Variants in TECTB observed in about 807,000 individuals in gnomAD.
TECTB encodes beta-tectorin.
In TECTB, 45 loss-of-function variants were observed where a neutral mutation model predicts 43.3. That is an observed-to-expected ratio of 1.04 (90% CI 0.82 to 1.33). The LOEUF is 1.33. Ranked by LOEUF, TECTB falls within the 40% of genes most tolerant of loss-of-function variation. TECTB has a pLI of 0.00. For missense variants in TECTB, 399 were observed against 404.7 expected (o/e 0.99, Z 0.12); for synonymous variants, 169 against 156.7 (o/e 1.08, Z -0.59).
rs774092344 is a variant in TECTB at position 112,294,053 on chromosome 10, C to A, written c.663C>A (p.Ile221=). 11 of 1,613,896 alleles carry A rather than the reference C, an allele frequency of 6.8e-6. No homozygotes were observed. The East Asian group carries it at 2.5e-4, about 36-fold the overall frequency. ...DFMYPLQWQL[I]NKGCPTDETV... The stretch of plus-strand genomic sequence containing the variant: ...TGTATCCCTTGCAGTGGCAGCTGAT[C>A]AACAAGGGGTAGGTACACTATCTAG... Residue 221 remains isoleucine, a synonymous_variant, in exon 7 of 11, where the codon ATC becomes ATA. Transcript: ENST00000646139.
chr10:112,283,520 TCAGCG>T, intron 1 of TECTB, 24 bp downstream of exon 1: 1 of 555,236 alleles, frequency 1.8e-6, no homozygotes, highest in Non-Finnish European at 3.2e-6. Context: ...TTTTTGCCTC[TCAGCG>T]CTAACAGGAA....
intron 9 of TECTB, among the ~76,000 whole-genome samples, chr10:112,300,226 G>A (rs201987442): frequency 2.1e-5 from 1 of 47,584 alleles, no homozygotes; most frequent in African/African-American, 7.2e-5. Context: ...CAGACAGAAA[G>A]AAATAAAGAA....
intron 5 of TECTB, among the ~76,000 whole-genome samples, chr10:112,291,862 C>A (rs1054792224): frequency 6.6e-6 from 1 of 152,170 alleles, no homozygotes; most frequent in Non-Finnish European, 1.5e-5. Context: ...ACAGGCTGGG[C>A]GCAGTGGCTC....
intron 10 of TECTB, 65 bp from the exon 11 acceptor site, chr10:112,303,198 T>C: frequency 6.3e-7 from 1 of 1,590,404 alleles, no homozygotes. Flanking sequence ...AACTCTTCTG[T>C]TGAGTTGGCT....
At chr10:112,296,821 C>T (rs563553726) in intron 7 of TECTB, among the ~76,000 whole-genome samples, 20 of 152,176 alleles carry the variant, frequency 1.3e-4, no homozygotes, top group Admixed American at 5.9e-4. Context: ...GTAACTGGAC[C>T]GCTCTCTGGC....
rs372919237 is a variant in TECTB, at chr10:112,286,353, G to C, written c.445G>C (p.Gly149Arg). Residue 149 changes from glycine to arginine, a missense_variant, in exon 5 of 11, where the codon GGC becomes CGC. Coordinates refer to ENST00000646139, the MANE Select transcript of TECTB (RefSeq NM_058222.3). ...ATVHVKNGSM[G>R]TFESQLSLNF... ...TGTTCACGTGAAGAACGGGAGCATG[G>C]GCACATTTGAGAGCCAACTGTCTCT... The C allele has an allele frequency of 2.8e-5, 45 of 1,610,642 alleles. No homozygotes were observed. The highest frequency in any genetic ancestry group is 3.5e-5 in the Non-Finnish European group (41 of 1,177,142).
rs1210550695 is a variant in TECTB, at chr10:112,298,064, C to T, written c.672-5C>T. ...AGTTCACTCTTCTTTCCCCATCTGC[C>T]TCAGCTGCCCCACGGATGAAACCGT... On this transcript the variant is annotated splice_region_variant and splice_polypyrimidine_tract_variant and intron_variant, in intron 7 of 10. Coordinates refer to ENST00000646139, the MANE Select transcript of TECTB (RefSeq NM_058222.3). The T allele has an allele frequency of 4.3e-6, 7 of 1,614,042 alleles. No individual in the cohort carries two copies. In the African/African-American group the frequency reaches 9.3e-5, roughly 22 times the overall value.
rs573988807 is a variant in TECTB, at chr10:112,299,425, C to T, written c.835-67C>T. Reference sequence around the variant, plus strand: ...TTAAAATATCTTTTCTTTCTCTTTTCTCCCCTTTGCTCACGCATCATCCCA... The same window carrying T: ...TTAAAATATCTTTTCTTTCTCTTTTTTCCCCTTTGCTCACGCATCATCCCA... On this transcript the variant is annotated intron_variant, in intron 8 of 10. Coordinates refer to ENST00000646139, the MANE Select transcript of TECTB (RefSeq NM_058222.3). 4 of 1,456,742 alleles carry T rather than the reference C, an allele frequency of 2.7e-6. No individual in the cohort carries two copies. The Admixed American group carries it at 5.3e-5, about 19-fold the overall frequency. The allele number at this position is 1,456,742 out of a possible 1,614,324, so 90.2% of individuals were successfully genotyped here.
intron 7 of TECTB, 33 bp from the exon 8 acceptor site, chr10:112,298,036 G>T: frequency 6.2e-7 from 1 of 1,613,456 alleles, no homozygotes; most frequent in Non-Finnish European, 8.5e-7. Flanking sequence ...TCAAGGAGAT[G>T]ACAGTTCACT....
In TECTB at chr10:112,293,158, A is replaced by T. The variant is rs940111623; in HGVS notation, c.484-580A>T. Among the ~76,000 whole-genome samples, 3 of 152,358 alleles carry T rather than the reference A, an allele frequency of 2.0e-5. No homozygotes were observed. In the South Asian group the frequency reaches 6.2e-4, roughly 32 times the overall value. ...CTCCCCTGCTAGAATATGCCAGATC[A>T]TTGAAGGCAGATATCTTTGCTTTGT... On this transcript the variant is annotated intron_variant, in intron 5 of 10. Transcript: ENST00000646139.
intron 10 of TECTB, 136 bp downstream of exon 10, chr10:112,302,269 G>C: frequency 9.8e-7 from 1 of 1,022,290 alleles, no homozygotes; most frequent in Non-Finnish European, 1.4e-6. Context: ...ACACCTGAGT[G>C]GCGCAGAGGG....
At chr10:112,302,271 C>T (rs745489539) in intron 10 of TECTB, 138 bp downstream of exon 10, 25 of 1,017,102 alleles carry the variant, frequency 2.5e-5, no homozygotes, top group Middle Eastern at 2.2e-4. Flanking sequence ...ACCTGAGTGG[C>T]GCAGAGGGGG....
intron 3 of TECTB, 24 bp downstream of exon 3, chr10:112,284,749 G>T: frequency 1.3e-6 from 2 of 1,491,952 alleles, no homozygotes; most frequent in East Asian, 2.5e-5. Context: ...ACACAGTGCA[G>T]AGTTGTTTAA....
intron 7 of TECTB, among the ~76,000 whole-genome samples, chr10:112,295,576 A>C (rs888597718): frequency 6.6e-6 from 1 of 152,220 alleles, no homozygotes; most frequent in African/African-American, 2.4e-5. Context: ...TCCTGTAGAG[A>C]TGGCAGCTTA....
At chr10:112,300,230 TAAAGAAAGAAAGAAAGAAAGAAAGAAAG>T (rs1554854200) in intron 9 of TECTB, among the ~76,000 whole-genome samples, 2 of 55,022 alleles carry the variant, frequency 3.6e-5, no homozygotes, top group African/African-American at 1.5e-4. Flanking sequence ...CAGAAAGAAA[TAAAGAAAGAAAGAAAGAAAGAAAGAAAG>T]AAAGAAAGAA....
chr10:112,284,043 C>G (rs550456566), intron 2 of TECTB, among the ~76,000 whole-genome samples: 1 of 152,196 alleles, frequency 6.6e-6, no homozygotes, highest in Admixed American at 6.5e-5. Flanking sequence ...CTATTTCACT[C>G]TCTTACTTAC....
At chr10:112,300,979 A>G (rs1160504943) in intron 9 of TECTB, among the ~76,000 whole-genome samples, 1 of 152,262 alleles carries the variant, frequency 6.6e-6, no homozygotes, top group Non-Finnish European at 1.5e-5. Flanking sequence ...TAGCGGCTCT[A>G]TCTTAGAGGA....
rs774711816 is a variant in TECTB, at chr10:112,299,552, C to A, written c.895C>A (p.Leu299Ile). Residue 299 changes from leucine to isoleucine, a missense_variant, in exon 9 of 11, where the codon CTC becomes ATC. By Grantham distance (5) the Leu-to-Ile change is conservative (BLOSUM62 2). Coordinates refer to ENST00000646139, the MANE Select transcript of TECTB (RefSeq NM_058222.3). ...DQTGGVLVVE[L>I]SLRSRGFSSL... ...GACCGGGGGAGTCCTGGTCGTGGAG[C>A]TCTCCCTGCGGAGTAAGCGTCTCTG... 3 of 1,610,122 alleles carry A rather than the reference C, an allele frequency of 1.9e-6. No homozygotes were observed. The highest frequency in any genetic ancestry group is 4.5e-5 in the East Asian group (2 of 44,652).
intron 10 of TECTB, chr10:112,302,986 T>C (rs1848625288): frequency 4.4e-6 from 2 of 456,088 alleles, no homozygotes; most frequent in African/African-American, 1.9e-5. Flanking sequence ...ATTCCAATCC[T>C]AGATTCTCAT....
Sources: allele counts gnomAD v4.1 joint callset (sites outside exome capture counted in the v4.1 genomes callset), GRCh38; gene constraint gnomAD v4.1.1; transcripts MANE v1.5; gene names NCBI Gene and HGNC (gene_info 2026-07-23, HGNC 2026-07-21).